The following L3MBTL1 variants were observed in gnomAD, a reference collection of about 807,000 sequenced individuals.
L3MBTL1 encodes the protein lethal(3)malignant brain tumor-like protein 1.
L3MBTL1 carries 75 observed loss-of-function variants against 105.3 expected under a neutral mutation model. The observed-to-expected ratio is 0.71, with a 90% CI of 0.59 to 0.86. The LOEUF (loss-of-function observed/expected upper bound fraction) is 0.86. L3MBTL1 is among the 40% of genes least tolerant of loss of function. The probability of loss-of-function intolerance (pLI) is 0.00; values close to 1 mark genes in which losing one functional copy is unlikely to be tolerated. For missense variants in L3MBTL1, 1,069 were observed against 1,126.4 expected (o/e 0.95, Z 0.73); for synonymous variants, 452 against 436.2 (o/e 1.04, Z -0.45).
intron 7 of L3MBTL1, among the ~76,000 whole-genome samples, chr20:43,525,041 T>C (rs2018952888): frequency 6.7e-6 from 1 of 150,216 alleles, no homozygotes; most frequent in Non-Finnish European, 1.5e-5. Flanking sequence ...GGACAGTAAA[T>C]GTGGAGAGAT....
At position 43,541,673 on chromosome 20, in the gene L3MBTL1, C is replaced by A; in HGVS notation, c.*545C>A. ...CCTACTTGATCTGCAATGCCAATAT[C>A]AAGGGCCATGTATCAGGTTTCTGTA... On this transcript the variant is annotated 3_prime_UTR_variant, in exon 22 of 22. Transcript: ENST00000418998. 1 of 284,464 alleles carries A rather than the reference C, an allele frequency of 3.5e-6. No homozygotes were observed. Among genetic ancestry groups the A allele is most frequent in the African/African-American group, 2.3e-5 (1 of 43,900 alleles). The allele number at this position is 284,464 out of a possible 1,614,324, so 17.6% of individuals were successfully genotyped here.
intron 11 of L3MBTL1, chr20:43,532,175 G>C (rs1457405510): frequency 1.3e-5 from 2 of 152,380 alleles, no homozygotes; most frequent in African/African-American, 2.4e-5. Context: ...TGACAGGTGG[G>C]GTCCTGCCTG....
chr20:43,515,082 G>A lies in L3MBTL1; in HGVS notation c.576G>A (p.Gln192=). 2 of 1,614,168 alleles carry A rather than the reference G, an allele frequency of 1.2e-6. No individual in the cohort carries two copies. The highest frequency in any genetic ancestry group is 1.7e-6 in the Non-Finnish European group (2 of 1,179,994). ...AGGATGATAGCACCTGTCAGTGCCA[G>A]GCGTGCGGGCCTCACCAAGCCGCGG... is the stretch of plus-strand genomic sequence containing the variant. ...PPEDDSTCQC[Q]ACGPHQAAGP... The change falls in exon 5 of 22, where the codon CAG becomes CAA. Residue 192 remains glutamine, a synonymous_variant. Transcript: ENST00000418998.
chr20:43,529,148 G>T, intron 8 of L3MBTL1, 116 bp from the exon 9 acceptor site: 1 of 692,176 alleles, frequency 1.4e-6, no homozygotes, highest in Non-Finnish European at 2.6e-6. Context: ...CAAATAAGTT[G>T]CCCCTTTGGA....
chr20:43,522,468 T>TTTTTTTTTG (rs2018777743), intron 7 of L3MBTL1, among the ~76,000 whole-genome samples: 1 of 120,154 alleles, frequency 8.3e-6, no homozygotes, highest in Non-Finnish European at 1.8e-5. Flanking sequence ...TTTTTTTTTT[T>TTTTTTTTTG]TTTTTTTTTT....
intron 7 of L3MBTL1, among the ~76,000 whole-genome samples, chr20:43,518,105 A>C (rs1399420623): frequency 6.6e-6 from 1 of 150,898 alleles, no homozygotes; most frequent in Non-Finnish European, 1.5e-5. Context: ...GAAGCATACT[A>C]CTCACTGTCT....
intron 1 of L3MBTL1, among the ~76,000 whole-genome samples, chr20:43,511,780 CAAAAAAA>C (rs35702977): frequency 9.4e-6 from 1 of 106,540 alleles, no homozygotes; most frequent in Non-Finnish European, 2.0e-5. Context: ...GACTCCATCT[CAAAAAAA>C]AAAAAAAAAA....
chr20:43,522,618 G>A (rs1029821784), intron 7 of L3MBTL1, among the ~76,000 whole-genome samples: 26 of 150,304 alleles, frequency 1.7e-4, no homozygotes, highest in Admixed American at 6.6e-4. Flanking sequence ...GACTACAGGC[G>A]CACACCACCG....
rs747975498 is a variant in L3MBTL1 at position 43,513,965 on chromosome 20, G to A, written c.264G>A (p.Pro88=). 21 of 1,548,144 alleles carry A rather than the reference G, an allele frequency of 1.4e-5. 1 individual carries two copies. In the South Asian group the frequency reaches 1.7e-4, roughly 12 times the overall value. ...GCEPVSATVL[P]QLSAGPASSS... ...AACCAGTTTCTGCCACCGTCCTGCCGCAGCTTAGCGCCGGGCCGGCCAGCT... is the reference window on the plus strand; with the variant it reads ...AACCAGTTTCTGCCACCGTCCTGCCACAGCTTAGCGCCGGGCCGGCCAGCT... The change falls in exon 3 of 22, where the codon CCG becomes CCA. Residue 88 remains proline (P), a synonymous_variant. Coordinates refer to ENST00000418998, the MANE Select transcript of L3MBTL1 (RefSeq NM_001377303.1).
chr20:43,518,851 CAAAAAAAA>C (rs34529936), intron 7 of L3MBTL1, among the ~76,000 whole-genome samples: 4 of 33,292 alleles, frequency 1.2e-4, no homozygotes, highest in Admixed American at 9.1e-4. Flanking sequence ...ACTAAAAATA[CAAAAAAAA>C]AAAAAAAAAA....
chr20:43,524,828 G>A (rs1031164381), intron 7 of L3MBTL1, among the ~76,000 whole-genome samples: 3 of 152,214 alleles, frequency 2.0e-5, no homozygotes, highest in African/African-American at 7.2e-5. Context: ...GCATGATGAA[G>A]CTGGCATGAT....
In L3MBTL1 at chr20:43,525,542, C is replaced by T. The variant is rs545198769; in HGVS notation, c.863-3115C>T. Reference sequence around the variant, plus strand: ...CTTGGCTGGGTACCTATGTATAGTGCACAGATTATACAACCATACACAGGA... The same window carrying T: ...CTTGGCTGGGTACCTATGTATAGTGTACAGATTATACAACCATACACAGGA... On this transcript the variant is annotated intron_variant, in intron 7 of 21. Coordinates refer to ENST00000418998, the MANE Select transcript of L3MBTL1 (RefSeq NM_001377303.1). Among the ~76,000 whole-genome samples, 287 of 147,054 alleles carry T rather than the reference C, an allele frequency of 2.0e-3. 1 individual carries two copies. The highest frequency in any genetic ancestry group is 6.7e-3 in the African/African-American group (279 of 41,430).
At position 43,541,066 on chromosome 20, in the gene L3MBTL1, C is replaced by G. The variant is rs781316069; in HGVS notation, c.2527C>G (p.Leu843Val). ...CCTGGAGACAGGAGTCCATTCACTC[C>G]TCTGCTCTCTACCCACTCATTTGCT... ...GILETGVHSL[L>V]CSLPTHLLAK... Residue 843 changes from leucine to valine, a missense_variant, in exon 22 of 22, where the codon CTC (leucine) becomes GTC (valine). By Grantham distance (32) the Leu-to-Val change is conservative (BLOSUM62 1). Coordinates refer to ENST00000418998, the MANE Select transcript of L3MBTL1 (RefSeq NM_001377303.1). 1.7e-5 allele frequency: 27 copies of G among 1,614,072 alleles called. No individual in the cohort carries two copies. The African/African-American group carries it at 3.2e-4, about 19-fold the overall frequency.
chr20:43,540,893 G>T, intron 21 of L3MBTL1, 41 bp from the exon 22 acceptor site: 2 of 1,612,848 alleles, frequency 1.2e-6, no homozygotes, highest in Non-Finnish European at 1.7e-6. Flanking sequence ...GCCCTCCCCA[G>T]CGTCACTTCT....
At chr20:43,511,773 T>G (rs1226910370) in intron 1 of L3MBTL1, among the ~76,000 whole-genome samples, 19 of 115,008 alleles carry the variant, frequency 1.7e-4, no homozygotes, top group African/African-American at 5.9e-4. Context: ...AGAGCGAGAC[T>G]CCATCTCAAA....
Position 43,529,312 on chromosome 20 carries a change from T to A in L3MBTL1, c.1000T>A (p.Leu334Met), listed in dbSNP as rs1402626505. The A allele has an allele frequency of 6.2e-7, 1 of 1,613,386 alleles. No homozygotes were observed. The highest frequency in any genetic ancestry group is 8.5e-7 in the Non-Finnish European group (1 of 1,179,774). Residue 334 changes from leucine (L) to methionine (M), a missense_variant, in exon 9 of 22, where the codon TTG (leucine) becomes ATG (methionine). Transcript: ENST00000418998. ...NKNGFKLGMK[L>M]EGIDPQHPSM... ...GAATGGCTTCAAACTGGGCATGAAG[T>A]TGGAAGGCATTGACCCTCAACACCC... is the stretch of plus-strand genomic sequence containing the variant.
chr20:43,530,476 C>T (rs2019274848), intron 10 of L3MBTL1, 57 bp downstream of exon 10: 2 of 1,566,798 alleles, frequency 1.3e-6, no homozygotes, highest in African/African-American at 2.7e-5. Flanking sequence ...CCCTTCGCTT[C>T]TTCCCCTTGG....
At chr20:43,536,385 T>G in intron 18 of L3MBTL1, 24 bp from the exon 19 acceptor site, 1 of 1,614,000 alleles carries the variant, frequency 6.2e-7, no homozygotes, top group East Asian at 2.2e-5. Flanking sequence ...TTCCCTGCCA[T>G]GGACCTGGTC....
chr20:43,524,006 A>AG (rs922775099), intron 7 of L3MBTL1, among the ~76,000 whole-genome samples: 1 of 151,618 alleles, frequency 6.6e-6, no homozygotes, highest in Non-Finnish European at 1.5e-5. Flanking sequence ...AAAAAAAAAA[A>AG]AAAAGAAACA....
Sources: gnomAD v4.1 joint callset for allele counts (sites outside exome capture counted in the v4.1 genomes callset) on GRCh38, gnomAD v4.1.1 for gene constraint, MANE v1.5 for transcripts, NCBI Gene and HGNC (gene_info 2026-07-23, HGNC 2026-07-21) for gene names.